The following AGBL3 variants were observed in gnomAD, a reference collection of about 807,000 sequenced individuals.
The protein encoded by AGBL3 is cytosolic carboxypeptidase 3.
AGBL3 carries 68 observed loss-of-function variants against 94.5 expected under a neutral mutation model. The ratio of observed to expected loss-of-function variants is 0.72; its 90% CI spans 0.59 to 0.88. The LOEUF is 0.88. AGBL3 is among the 40% of genes least tolerant of loss of function. The probability of loss-of-function intolerance (pLI) is 0.00; values close to 1 mark genes in which losing one functional copy is unlikely to be tolerated. For missense variants in AGBL3, 934 were observed against 1,103.8 expected (o/e 0.85, Z 2.18); for synonymous variants, 354 against 370.7 (o/e 0.95, Z 0.52).
intron 4 of AGBL3, among the ~76,000 whole-genome samples, chr7:135,016,240 G>C (rs1813790532): frequency 6.6e-6 from 1 of 151,746 alleles, no homozygotes; most frequent in African/African-American, 2.4e-5. Flanking sequence ...CAATTTATTT[G>C]GTCATGTGTG....
chr7:135,135,458 G>C lies in AGBL3; in HGVS notation c.*197G>C, dbSNP rs1829305229. 1 of 393,650 alleles carries C rather than the reference G, an allele frequency of 2.5e-6. No homozygotes were observed. The highest frequency in any genetic ancestry group is 2.1e-5 in the African/African-American group (1 of 48,336). 24.4% of individuals were successfully genotyped at this position (393,650 alleles called of 1,614,324 possible). A position where few individuals can be genotyped will look rare whatever the true frequency, so the allele number is the denominator to read the frequency against. ...TCAGAGATTTAAAAAGAAATCCAGA[G>C]AAAATATGGAAAAATATTAAAGCAG... On this transcript the variant is annotated 3_prime_UTR_variant, in exon 17 of 17. Transcript: ENST00000436302.
chr7:135,050,360 G>A (rs1419189353), intron 11 of AGBL3, among the ~76,000 whole-genome samples: 1 of 151,912 alleles, frequency 6.6e-6, no homozygotes, highest in Non-Finnish European at 1.5e-5. Context: ...GTAGCCTGCT[G>A]CTGTTGGATA....
intron 12 of AGBL3, among the ~76,000 whole-genome samples, chr7:135,068,466 T>C (rs1819570259): frequency 6.6e-6 from 1 of 151,754 alleles, no homozygotes. Flanking sequence ...AAGGAAAAAA[T>C]GTTAAGGGCA....
chr7:135,097,346 C>T (rs1336226982), intron 15 of AGBL3, among the ~76,000 whole-genome samples: 1 of 151,912 alleles, frequency 6.6e-6, no homozygotes. Flanking sequence ...AGAAAAAATC[C>T]CCATGGCTTT....
Position 135,012,130 on chromosome 7 carries a change from G to A in AGBL3, c.311-4922G>A, listed in dbSNP as rs1023852626. 5.9e-5 allele frequency: 9 copies of A among 152,122 alleles called. No individual in the cohort carries two copies. The East Asian group carries it at 1.2e-3, about 20-fold the overall frequency. 9.4% of individuals were successfully genotyped at this position (152,122 alleles called of 1,614,324 possible). On this transcript the variant is annotated intron_variant, in intron 4 of 16. Coordinates refer to ENST00000436302, the MANE Select transcript of AGBL3 (RefSeq NM_178563.4). The stretch of plus-strand genomic sequence containing the variant: ...ATGTGGATTGATTTCATGAATATAC[G>A]TGAAAAACAGCACAGAAGAATACCA...
chr7:135,007,403 A>G (rs974588220), intron 4 of AGBL3, among the ~76,000 whole-genome samples: 2 of 151,988 alleles, frequency 1.3e-5, no homozygotes, highest in Non-Finnish European at 2.9e-5. Context: ...AATTAATGTG[A>G]TAGAACATAT....
chr7:135,123,598 C>A (rs1443104136), intron 16 of AGBL3, among the ~76,000 whole-genome samples: 1 of 152,128 alleles, frequency 6.6e-6, no homozygotes, highest in African/African-American at 2.4e-5. Flanking sequence ...TCTTCAGATT[C>A]TCTAAGGTCA....
At chr7:135,128,858 GA>G in intron 16 of AGBL3, 1 of 1,242,974 alleles carries the variant, frequency 8.0e-7, no homozygotes, top group Non-Finnish European at 1.2e-6. Flanking sequence ...TGTTAAATAT[GA>G]TCCAGGAAAT....
chr7:135,056,289 G>A (rs533222580), intron 11 of AGBL3, among the ~76,000 whole-genome samples: 28 of 151,716 alleles, frequency 1.8e-4, no homozygotes, highest in Middle Eastern at 3.4e-3. Context: ...CTTGCATTAC[G>A]TCTCTATTTC....
At chr7:135,009,487 G>A (rs1812827008) in intron 4 of AGBL3, among the ~76,000 whole-genome samples, 1 of 18,478 alleles carries the variant, frequency 5.4e-5, no homozygotes, top group South Asian at 8.5e-3. Flanking sequence ...TGGTAGTGTT[G>A]GGATTTTTTT....
chr7:135,035,714 G>T (rs1408085583), intron 7 of AGBL3, among the ~76,000 whole-genome samples: 1 of 152,080 alleles, frequency 6.6e-6, no homozygotes, highest in Non-Finnish European at 1.5e-5. Flanking sequence ...CTAATATCCT[G>T]TTTCACTTCA....
intron 5 of AGBL3, among the ~76,000 whole-genome samples, chr7:135,030,818 T>C (rs1344650728): frequency 6.6e-6 from 1 of 152,004 alleles, no homozygotes; most frequent in African/African-American, 2.4e-5. Context: ...TGATTATTTC[T>C]TTTGCAAGCT....
chr7:135,011,670 C>A (rs1269238390), intron 4 of AGBL3: 1 of 152,112 alleles, frequency 6.6e-6, no homozygotes, highest in Non-Finnish European at 1.5e-5. Context: ...TCAACCTTAT[C>A]ATGAAGTCTT....
At chr7:135,111,829 T>C (rs1825683776) in intron 15 of AGBL3, among the ~76,000 whole-genome samples, 1 of 152,222 alleles carries the variant, frequency 6.6e-6, no homozygotes, top group Non-Finnish European at 1.5e-5. Context: ...CTCTCATCTC[T>C]ACCTGCAGCT....
chr7:135,109,545 A>G (rs1490650905), intron 15 of AGBL3, among the ~76,000 whole-genome samples: 1 of 151,824 alleles, frequency 6.6e-6, no homozygotes, highest in Non-Finnish European at 1.5e-5. Flanking sequence ...GTCACCTCGG[A>G]TTTTTCAGCA....
At chr7:135,095,630 C>G (rs778294455) in intron 15 of AGBL3, among the ~76,000 whole-genome samples, 1 of 152,194 alleles carries the variant, frequency 6.6e-6, no homozygotes, top group Non-Finnish European at 1.5e-5. Context: ...TCTTTGCTTT[C>G]AGTTCCCCAA....
rs535433991 is a variant in AGBL3, at chr7:135,072,672, C to T, written c.1909-3725C>T. On this transcript the variant is annotated intron_variant, in intron 12 of 16. Transcript: ENST00000436302. ...AGCAAACTATCACAAGGACAAAAAA[C>T]CAAACACCGCATGTTCTCACTCATA... is the stretch of plus-strand genomic sequence containing the variant. 7.9e-5 allele frequency among the ~76,000 whole-genome samples: 12 copies of T among 151,226 alleles called. No homozygotes were observed. The East Asian group carries it at 2.1e-3, about 27-fold the overall frequency.
intron 16 of AGBL3, among the ~76,000 whole-genome samples, chr7:135,123,954 G>A (rs1349365696): frequency 6.6e-6 from 1 of 152,040 alleles, no homozygotes; most frequent in Non-Finnish European, 1.5e-5. Flanking sequence ...AAAATATAAA[G>A]ACCAATGACA....
At position 135,045,352 on chromosome 7, in the gene AGBL3, A is replaced by G. The variant is rs1321342878; in HGVS notation, c.1628-122A>G. On this transcript the variant is annotated intron_variant, in intron 9 of 16. Transcript: ENST00000436302. The stretch of plus-strand genomic sequence containing the variant: ...ATGTTAAATGACCTGTCCTGAAGAA[A>G]AAAATCTAAAGGATAGGATATGGAA... 5.0e-6 allele frequency: 4 copies of G among 798,472 alleles called. No homozygotes were observed. In the South Asian group the frequency reaches 5.3e-5, roughly 11 times the overall value. 49.5% of individuals were successfully genotyped at this position (798,472 alleles called of 1,614,324 possible).
Sources: gnomAD v4.1 joint callset for allele counts (sites outside exome capture counted in the v4.1 genomes callset) on GRCh38, gnomAD v4.1.1 for gene constraint, MANE v1.5 for transcripts, NCBI Gene and HGNC (gene_info 2026-07-23, HGNC 2026-07-21) for gene names.